The following INTS12 variants were observed in gnomAD, a reference collection of about 807,000 sequenced individuals.
INTS12 encodes PHD finger protein 22.
In INTS12, 13 loss-of-function variants were observed where a neutral mutation model predicts 41.6. That is an observed-to-expected ratio of 0.31 (90% CI 0.20 to 0.50). INTS12 has a LOEUF of 0.50. INTS12 is among the 20% of genes least tolerant of loss of function. The pLI is 0.98. For synonymous variants in INTS12, 199 were observed against 191.4 expected, an observed-to-expected ratio of 1.04 and a Z score of -0.33; for missense variants, 432 against 541.6, an observed-to-expected ratio of 0.80 and a Z score of 2.01.
Position 105,700,021 on chromosome 4 carries a change from GA to G in INTS12, c.-9-8del. 2 of 1,452,138 alleles carry G rather than the reference GA, an allele frequency of 1.4e-6. No individual in the cohort carries two copies. Among genetic ancestry groups the G allele is most frequent in the Non-Finnish European group, 1.8e-6 (2 of 1,086,896 alleles). The allele number at this position is 1,452,138 out of a possible 1,614,324, so 90.0% of individuals were successfully genotyped here. Reference sequence around the variant, plus strand: ...TAGCAGCCATTGCAAACGCCTGAAGGAAAAAAAGAGAAAGTAATCTAGAAGA... The same window carrying G: ...TAGCAGCCATTGCAAACGCCTGAAGGAAAAAAGAGAAAGTAATCTAGAAGA... On this transcript the variant is annotated splice_polypyrimidine_tract_variant and splice_region_variant and intron_variant, in intron 2 of 7. Coordinates refer to ENST00000340139, the MANE Select transcript of INTS12 (RefSeq NM_020395.4).
At chr4:105,698,610 G>A (rs1196554636) in intron 3 of INTS12, among the ~76,000 whole-genome samples, 1 of 152,114 alleles carries the variant, frequency 6.6e-6, no homozygotes, top group South Asian at 2.1e-4. Flanking sequence ...AACACCCACA[G>A]TGGAATGAAT....
At chr4:105,699,441 T>C (rs999136432) in intron 3 of INTS12, among the ~76,000 whole-genome samples, 1 of 152,170 alleles carries the variant, frequency 6.6e-6, no homozygotes, top group Admixed American at 6.5e-5. Context: ...TCTCTTAAAT[T>C]ATCCTACCCA....
At chr4:105,692,407 C>G (rs1169470745) in intron 5 of INTS12, among the ~76,000 whole-genome samples, 1 of 150,458 alleles carries the variant, frequency 6.6e-6, no homozygotes. Flanking sequence ...TCGCTTGAAC[C>G]CAGGAGATGG....
chr4:105,707,226 C>T (rs539488241), intron 1 of INTS12, among the ~76,000 whole-genome samples: 78 of 152,148 alleles, frequency 5.1e-4, no homozygotes, highest in Non-Finnish European at 1.0e-3. Flanking sequence ...CTGCTGTGCC[C>T]CTCTCCATTC....
At chr4:105,702,284 C>T (rs968532679) in intron 2 of INTS12, among the ~76,000 whole-genome samples, 4 of 151,524 alleles carry the variant, frequency 2.6e-5, no homozygotes, top group Admixed American at 6.6e-5. Flanking sequence ...TACAGGCGCC[C>T]GCCACCACAC....
In INTS12 at chr4:105,706,960, TA is replaced by T. The variant is rs71586112; in HGVS notation, c.-172+1677del. On this transcript the variant is annotated intron_variant, in intron 1 of 7. Coordinates refer to ENST00000340139, the MANE Select transcript of INTS12 (RefSeq NM_020395.4). ...CCAGTTTTCTTCTTTTTCATTAAAA[TA>T]AAAAAAAAAATTCTTGCTGAGAAGT... Among the ~76,000 whole-genome samples, 549 of 148,296 alleles carry T rather than the reference TA, an allele frequency of 3.7e-3. 3 individuals carry two copies. The highest frequency in any genetic ancestry group is 0.027 in the East Asian group (136 of 5,090).
intron 4 of INTS12, among the ~76,000 whole-genome samples, chr4:105,694,733 T>G (rs1731800194): frequency 6.6e-6 from 1 of 152,214 alleles, no homozygotes; most frequent in Non-Finnish European, 1.5e-5. Context: ...TACTCCATCT[T>G]GAGGGCAAGG....
intron 4 of INTS12, among the ~76,000 whole-genome samples, 185 bp downstream of exon 4, chr4:105,695,331 T>C (rs183829643): frequency 1.1e-4 from 16 of 152,316 alleles, no homozygotes; most frequent in African/African-American, 2.6e-4. Context: ...ACTTTAAAAT[T>C]TGTAAATTTT....
chr4:105,708,672 G>A lies in INTS12; in HGVS notation c.-206C>T, dbSNP rs978994418. 4.3e-6 allele frequency: 4 copies of A among 919,584 alleles called. No homozygotes were observed. Among genetic ancestry groups the A allele is most frequent in the Admixed American group, 6.2e-5 (1 of 16,156 alleles). 57.0% of individuals were successfully genotyped at this position (919,584 alleles called of 1,614,324 possible). On this transcript the variant is annotated 5_prime_UTR_variant, in exon 1 of 8. Coordinates refer to ENST00000340139, the MANE Select transcript of INTS12 (RefSeq NM_020395.4). ...CCGCCCTGCCGATCCGTCTGTTCCCGGTGGTCCCTTCGGAAACGGTTCCCG... is the reference window on the plus strand; with the variant it reads ...CCGCCCTGCCGATCCGTCTGTTCCCAGTGGTCCCTTCGGAAACGGTTCCCG...
rs13132641 is a variant in INTS12 at position 105,684,775 on chromosome 4, A to T, written c.805-1458T>A. On this transcript the variant is annotated intron_variant, in intron 7 of 7. Transcript: ENST00000340139. ...TTAATTTTCAGTTATGAAAGACCTA[A>T]TTTTTTTTCCTTTTCTTGCTATTAA... Among the ~76,000 whole-genome samples the T allele has an allele frequency of 9.8e-3, 1,486 of 151,996 alleles. 10 individuals are homozygous for T. The highest frequency in any genetic ancestry group is 0.017 in the Admixed American group (265 of 15,256).
chr4:105,693,367 A>G lies in INTS12; in HGVS notation c.429T>C (p.Leu143=), dbSNP rs1450457768. The G allele has an allele frequency of 6.2e-7, 1 of 1,613,884 alleles. No homozygotes were observed. The highest frequency in any genetic ancestry group is 8.5e-7 in the Non-Finnish European group (1 of 1,179,914). ...QSSKDLPMAD[L]SSFEETSADD... ...CAGCACTGGTCTCCTCAAAACTGGA[A>G]AGGTCAGCCATAGGTAAATCCTTGC... The change falls in exon 5 of 8, where the codon CTT becomes CTC. Residue 143 remains leucine, a synonymous_variant. Coordinates refer to ENST00000340139, the MANE Select transcript of INTS12 (RefSeq NM_020395.4).
At chr4:105,689,523 G>T (rs1731611918) in intron 6 of INTS12, among the ~76,000 whole-genome samples, 1 of 152,032 alleles carries the variant, frequency 6.6e-6, no homozygotes, top group African/African-American at 2.4e-5. Flanking sequence ...GTGTATTCTA[G>T]TCATGTTATA....
chr4:105,707,995 G>T (rs1282508331), intron 1 of INTS12: 4 of 985,422 alleles, frequency 4.1e-6, no homozygotes, highest in Non-Finnish European at 4.8e-6. Flanking sequence ...TGTTCACATA[G>T]AGTGCAGTAT....
intron 6 of INTS12, among the ~76,000 whole-genome samples, chr4:105,688,916 A>T (rs1731584279): frequency 6.6e-6 from 1 of 152,256 alleles, no homozygotes; most frequent in African/African-American, 2.4e-5. Context: ...GGGAACTAGG[A>T]TATAATTACT....
Position 105,682,715 on chromosome 4 carries a change from A to C in INTS12, c.*18T>G. 1.9e-6 allele frequency: 3 copies of C among 1,597,240 alleles called. No homozygotes were observed. The South Asian group carries it at 3.3e-5, about 18-fold the overall frequency. On this transcript the variant is annotated 3_prime_UTR_variant, in exon 8 of 8. Transcript: ENST00000340139. Reference sequence around the variant, plus strand: ...TTCATCTTTAGGCTAATATGATACAAAAACCTACTTGGCCACATTACTTCT... The same window carrying C: ...TTCATCTTTAGGCTAATATGATACACAAACCTACTTGGCCACATTACTTCT...
intron 7 of INTS12, 52 bp downstream of exon 7, chr4:105,686,640 A>C (rs546681485): frequency 7.2e-7 from 1 of 1,389,774 alleles, no homozygotes; most frequent in African/African-American, 1.5e-5. Flanking sequence ...ACTATTTTTT[A>C]GTCAACTAAA....
chr4:105,686,948 A>T, intron 6 of INTS12, 110 bp from the exon 7 acceptor site: 2 of 901,604 alleles, frequency 2.2e-6, no homozygotes, highest in Admixed American at 2.1e-5. Context: ...TGAACATTTT[A>T]AAAAATAGTG....
chr4:105,698,972 T>C (rs995002109), intron 3 of INTS12, among the ~76,000 whole-genome samples: 9 of 152,194 alleles, frequency 5.9e-5, no homozygotes, highest in Non-Finnish European at 1.3e-4. Flanking sequence ...AATGTCTTAG[T>C]AGGTATTAGG....
rs994115480 is a variant in INTS12, at chr4:105,695,804, G to A, written c.157-136C>T. 5.8e-6 allele frequency: 4 copies of A among 688,724 alleles called. No homozygotes were observed. The African/African-American group carries it at 7.3e-5, about 13-fold the overall frequency. The allele number at this position is 688,724 out of a possible 1,614,324, so 42.7% of individuals were successfully genotyped here. On this transcript the variant is annotated intron_variant, in intron 3 of 7. Coordinates refer to ENST00000340139, the MANE Select transcript of INTS12 (RefSeq NM_020395.4). ...CAATGTAATATTCCTTTCTTAAATA[G>A]TTAAATAGCTTTATTGAGAAATAAT...
Sources: allele counts gnomAD v4.1 joint callset (sites outside exome capture counted in the v4.1 genomes callset), GRCh38; gene constraint gnomAD v4.1.1; transcripts MANE v1.5; gene names NCBI Gene and HGNC (gene_info 2026-07-23, HGNC 2026-07-21).